SYT9: variants seen among roughly 807,000 people sequenced by gnomAD.
SYT9 encodes synaptotagmin-9.
In SYT9, 22 loss-of-function variants were observed where a neutral mutation model predicts 48.4. The observed-to-expected ratio is 0.45, with a 90% CI of 0.32 to 0.65. SYT9 has a LOEUF of 0.65. Ranked by LOEUF, SYT9 falls within the 30% of genes least tolerant of loss-of-function variation. The pLI, the probability that SYT9 is intolerant of heterozygous loss-of-function variation, is 0.03. For missense variants in SYT9, 577 were observed against 622.0 expected, an observed-to-expected ratio of 0.93 and a Z score of 0.77; for synonymous variants, 265 against 245.0, an observed-to-expected ratio of 1.08 and a Z score of -0.76.
chr11:7,416,641 C>G (rs1182543978), intron 4 of SYT9, among the ~76,000 whole-genome samples: 1 of 152,184 alleles, frequency 6.6e-6, no homozygotes, highest in Non-Finnish European at 1.5e-5. Flanking sequence ...GTATTGTAAG[C>G]AATCTAGAGA....
Position 7,468,215 on chromosome 11 carries a change from G to T in SYT9, c.*1415G>T. ...CCTGGAAAGCTCATTATCTCTGTTT[G>T]AATTAACATTTCAGCATGGAACTAA... On this transcript the variant is annotated 3_prime_UTR_variant, in exon 7 of 7. Transcript: ENST00000318881. 1 of 398,604 alleles carries T rather than the reference G, an allele frequency of 2.5e-6. No individual in the cohort carries two copies. The highest frequency in any genetic ancestry group is 1.3e-4 in the South Asian group (1 of 7,844). 24.7% of individuals were successfully genotyped at this position (398,604 alleles called of 1,614,324 possible).
chr11:7,351,059 G>A (rs1352435393), intron 3 of SYT9, among the ~76,000 whole-genome samples: 1 of 152,126 alleles, frequency 6.6e-6, no homozygotes, highest in Non-Finnish European at 1.5e-5. Context: ...AAAGCGGCCA[G>A]CTAATAAAGT....
Position 7,436,620 on chromosome 11 carries a change from TTTTG to T in SYT9, c.1467+16005_1467+16008del, listed in dbSNP as rs55926700. Among the ~76,000 whole-genome samples the T allele has an allele frequency of 1.4e-4, 22 of 152,266 alleles. 1 individual carries two copies. Among genetic ancestry groups the T allele is most frequent in the East Asian group, 3.9e-4 (2 of 5,192 alleles). On this transcript the variant is annotated intron_variant, in intron 6 of 6. Transcript: ENST00000318881. ...TAATACAGTGGTGTCCAGTTGGTTT[TTTTG>T]TTTGTTTGTTTGTTTGTTTTTGGCC...
chr11:7,268,259 G>C (rs1848227920), intron 1 of SYT9, among the ~76,000 whole-genome samples: 2 of 151,934 alleles, frequency 1.3e-5, no homozygotes, highest in Non-Finnish European at 2.9e-5. Flanking sequence ...ACTTTTACCA[G>C]AAGTGGAATT....
At chr11:7,301,235 TA>T (rs1848913454) in intron 1 of SYT9, among the ~76,000 whole-genome samples, 1 of 152,184 alleles carries the variant, frequency 6.6e-6, no homozygotes, top group Non-Finnish European at 1.5e-5. Context: ...CAAACAGAGA[TA>T]TAATATTGTT....
At chr11:7,292,213 G>A (rs563699858) in intron 1 of SYT9, among the ~76,000 whole-genome samples, 1 of 152,298 alleles carries the variant, frequency 6.6e-6, no homozygotes, top group East Asian at 1.9e-4. Flanking sequence ...CAGGGTAGAT[G>A]AGAGGTTAAA....
At chr11:7,422,864 T>C (rs1246801346) in intron 6 of SYT9, among the ~76,000 whole-genome samples, 2 of 152,230 alleles carry the variant, frequency 1.3e-5, no homozygotes, top group Admixed American at 1.3e-4. Context: ...GGAGGCCTTT[T>C]CCTTCACTGT....
In SYT9 at chr11:7,303,318, C is replaced by A. The variant is rs200034628; in HGVS notation, c.425C>A (p.Thr142Lys). 1 of 1,613,946 alleles carries A rather than the reference C, an allele frequency of 6.2e-7. No homozygotes were observed. Among genetic ancestry groups the A allele is most frequent in the Non-Finnish European group, 8.5e-7 (1 of 1,180,024 alleles). ...CCTGACATTCCCCTCTCCACCCAGACGGGGATCCAGGAGAACTGTGCCCAT... is the reference window on the plus strand; with the variant it reads ...CCTGACATTCCCCTCTCCACCCAGAAGGGGATCCAGGAGAACTGTGCCCAT... ...TSPDIPLSTQ[T>K]GIQENCAHGV... Residue 142 changes from threonine to lysine, a missense_variant, in exon 2 of 7, where the codon ACG (threonine) becomes AAG (lysine). Transcript: ENST00000318881.
chr11:7,463,496 G>A (rs2134160584), intron 6 of SYT9, among the ~76,000 whole-genome samples: 1 of 151,170 alleles, frequency 6.6e-6, no homozygotes, highest in East Asian at 1.9e-4. Flanking sequence ...ACAAAAGGGG[G>A]CTGAACAACA....
intron 3 of SYT9, among the ~76,000 whole-genome samples, chr11:7,367,092 TTTTTTTC>T (rs1309907183): frequency 2.6e-5 from 3 of 114,408 alleles, no homozygotes; most frequent in African/African-American, 3.1e-5. Context: ...TTTTTTTTTT[TTTTTTTC>T]GAGACGGAGC....
Position 7,265,308 on chromosome 11 carries a change from G to A in SYT9, c.145+12977G>A, listed in dbSNP as rs574430658. Among the ~76,000 whole-genome samples the A allele has an allele frequency of 5.8e-4, 89 of 152,262 alleles. No homozygotes were observed. The South Asian group carries it at 8.3e-3, about 14-fold the overall frequency. ...GGGCAGTTGACTGGTGGAAAACTGG[G>A]AAGAAGTTACTGGAAATAAGGAGGG... On this transcript the variant is annotated intron_variant, in intron 1 of 6. Coordinates refer to ENST00000318881, the MANE Select transcript of SYT9 (RefSeq NM_175733.4).
intron 6 of SYT9, chr11:7,438,307 G>C (rs1056245909): frequency 6.6e-6 from 1 of 152,196 alleles, no homozygotes; most frequent in African/African-American, 2.4e-5. Flanking sequence ...CTGGAGATAC[G>C]TGGCCCAGCT....
chr11:7,352,329 A>C (rs984145705), intron 3 of SYT9, among the ~76,000 whole-genome samples: 4 of 152,216 alleles, frequency 2.6e-5, no homozygotes, highest in Non-Finnish European at 5.9e-5. Context: ...TCTCTCCAGC[A>C]AAGCCGCTGG....
Position 7,284,745 on chromosome 11 carries a change from A to AT in SYT9, c.146-18286dup, listed in dbSNP as rs993596396. ...GATGTCTTTCATTCTGGGAAATGTT[A>AT]TTTTTTTTGCCAATTTCTTCCCCTC... On this transcript the variant is annotated intron_variant, in intron 1 of 6. Coordinates refer to ENST00000318881, the MANE Select transcript of SYT9 (RefSeq NM_175733.4). 6.6e-5 allele frequency among the ~76,000 whole-genome samples: 10 copies of AT among 151,580 alleles called. No homozygotes were observed. In the East Asian group the frequency reaches 1.4e-3, roughly 20 times the overall value.
intron 6 of SYT9, among the ~76,000 whole-genome samples, chr11:7,433,482 A>G (rs1847648891): frequency 6.6e-6 from 1 of 152,330 alleles, no homozygotes; most frequent in East Asian, 1.9e-4. Flanking sequence ...ATCCAAATAC[A>G]TCCACATCTG....
chr11:7,350,009 C>T (rs1849881013), intron 3 of SYT9, among the ~76,000 whole-genome samples: 1 of 152,202 alleles, frequency 6.6e-6, no homozygotes, highest in Non-Finnish European at 1.5e-5. Context: ...CATCACACTC[C>T]ACCCTGTGAG....
chr11:7,466,358 G>T lies in SYT9; in HGVS notation c.1468-434G>T, dbSNP rs146051151. Among the ~76,000 whole-genome samples the T allele has an allele frequency of 7.9e-5, 12 of 152,284 alleles. 1 individual carries two copies. Among genetic ancestry groups the T allele is most frequent in the African/African-American group, 2.9e-4 (12 of 41,546 alleles). The stretch of plus-strand genomic sequence containing the variant: ...TGTGAGCCCTTTGAAAGCAGGGGGA[G>T]TGTCCTACTTATGGGCTTAGTATCC... On this transcript the variant is annotated intron_variant, in intron 6 of 6. Transcript: ENST00000318881.
chr11:7,377,034 A>G (rs1850467447), intron 3 of SYT9, among the ~76,000 whole-genome samples: 1 of 149,032 alleles, frequency 6.7e-6, no homozygotes, highest in Admixed American at 6.8e-5. Flanking sequence ...TCCTTTATCT[A>G]GTATGTAGAT....
chr11:7,405,143 T>A (rs961777412), intron 3 of SYT9, among the ~76,000 whole-genome samples: 1 of 152,018 alleles, frequency 6.6e-6, no homozygotes, highest in Non-Finnish European at 1.5e-5. Flanking sequence ...ATATTTGACT[T>A]TTATTATCAT....
Sources: allele counts gnomAD v4.1 joint callset (sites outside exome capture counted in the v4.1 genomes callset), GRCh38; gene constraint gnomAD v4.1.1; transcripts MANE v1.5; gene names NCBI Gene and HGNC (gene_info 2026-07-23, HGNC 2026-07-21).